Variants in EFNA5 observed in about 807,000 individuals in gnomAD.
EFNA5 encodes ephrin A5.
Under a neutral mutation model 22.9 loss-of-function variants are expected in EFNA5, and 5 were observed. The observed-to-expected ratio is 0.22, with a 90% CI of 0.11 to 0.46. EFNA5 has a LOEUF of 0.46. Among genes scored for constraint, EFNA5 ranks in the 20% least tolerant of loss-of-function variants. The pLI, the probability that EFNA5 is intolerant of heterozygous loss-of-function variation, is 0.99. For synonymous variants in EFNA5, 113 were observed against 112.2 expected (o/e 1.01, Z -0.04); for missense variants, 237 against 293.3 (o/e 0.81, Z 1.40).
At chr5:107,458,576 T>G (rs1381680976) in intron 1 of EFNA5, among the ~76,000 whole-genome samples, 1 of 152,014 alleles carries the variant, frequency 6.6e-6, no homozygotes, top group Non-Finnish European at 1.5e-5. Context: ...AAAGCCTTTT[T>G]GGAAGTCGTG....
chr5:107,499,061 G>T (rs1580496762), intron 1 of EFNA5, among the ~76,000 whole-genome samples: 1 of 152,018 alleles, frequency 6.6e-6, no homozygotes, highest in East Asian at 1.9e-4. Flanking sequence ...CACCTGCTTT[G>T]CTCTCTTCTC....
At chr5:107,559,951 T>C (rs1748502174) in intron 1 of EFNA5, among the ~76,000 whole-genome samples, 1 of 152,218 alleles carries the variant, frequency 6.6e-6, no homozygotes, top group South Asian at 2.1e-4. Context: ...CTTTAATATG[T>C]GTTCTGAAAT....
intron 1 of EFNA5, among the ~76,000 whole-genome samples, chr5:107,476,343 G>A (rs1750308868): frequency 6.6e-6 from 1 of 151,768 alleles, no homozygotes; most frequent in African/African-American, 2.4e-5. Flanking sequence ...GTGAGCCACT[G>A]TGCCCAGTCA....
chr5:107,456,268 T>C (rs1356143814), intron 1 of EFNA5, among the ~76,000 whole-genome samples: 1 of 152,132 alleles, frequency 6.6e-6, no homozygotes, highest in Non-Finnish European at 1.5e-5. Flanking sequence ...CCCAGAGCTC[T>C]AGGCCATTTC....
intron 1 of EFNA5, among the ~76,000 whole-genome samples, chr5:107,525,476 A>T (rs1377880810): frequency 6.6e-6 from 1 of 152,186 alleles, no homozygotes; most frequent in Non-Finnish European, 1.5e-5. Context: ...TGATTTCTTA[A>T]ACCTTAAATA....
At chr5:107,594,009 CA>C (rs1202231528) in intron 1 of EFNA5, among the ~76,000 whole-genome samples, 1 of 152,160 alleles carries the variant, frequency 6.6e-6, no homozygotes, top group East Asian at 1.9e-4. Flanking sequence ...AAAGGTGAGA[CA>C]AGTCAAGGTA....
intron 2 of EFNA5, among the ~76,000 whole-genome samples, chr5:107,411,948 G>T (rs1748378544): frequency 6.6e-6 from 1 of 152,158 alleles, no homozygotes; most frequent in Non-Finnish European, 1.5e-5. Flanking sequence ...ATACTCATCT[G>T]TGGTGTACTT....
At chr5:107,538,451 C>T (rs1747971291) in intron 1 of EFNA5, among the ~76,000 whole-genome samples, 1 of 152,014 alleles carries the variant, frequency 6.6e-6, no homozygotes, top group South Asian at 2.1e-4. Context: ...ATTTAGATGC[C>T]CAAATTGAAT....
At chr5:107,540,966 G>A (rs1748034745) in intron 1 of EFNA5, among the ~76,000 whole-genome samples, 1 of 152,126 alleles carries the variant, frequency 6.6e-6, no homozygotes, top group Admixed American at 6.5e-5. Context: ...AATTAGCCGG[G>A]CATGGTGGCG....
At chr5:107,397,005 G>T (rs1411473961) in intron 2 of EFNA5, among the ~76,000 whole-genome samples, 1 of 152,076 alleles carries the variant, frequency 6.6e-6, no homozygotes, top group African/African-American at 2.4e-5. Context: ...GCCCAGAGGT[G>T]GCTATAGATC....
chr5:107,574,334 A>G (rs914033687), intron 1 of EFNA5, among the ~76,000 whole-genome samples: 1 of 149,276 alleles, frequency 6.7e-6, no homozygotes, highest in Non-Finnish European at 1.5e-5. Context: ...TTTCTCTCAT[A>G]TTGTAACAAT....
At chr5:107,532,270 T>C (rs959012872) in intron 1 of EFNA5, among the ~76,000 whole-genome samples, 1 of 152,192 alleles carries the variant, frequency 6.6e-6, no homozygotes, top group African/African-American at 2.4e-5. Context: ...TAAAGGTGAA[T>C]GGCCTGCTGG....
At chr5:107,588,015 G>A (rs958455073) in intron 1 of EFNA5, among the ~76,000 whole-genome samples, 8 of 152,068 alleles carry the variant, frequency 5.3e-5, no homozygotes, top group Non-Finnish European at 4.4e-5. Flanking sequence ...AACTAACCCA[G>A]AAAAATTGGG....
chr5:107,661,122 A>T (rs949610492), intron 1 of EFNA5, among the ~76,000 whole-genome samples: 1 of 137,076 alleles, frequency 7.3e-6, no homozygotes, highest in African/African-American at 2.6e-5. Context: ...GTTAAAAAAA[A>T]AAAAAAGAAG....
chr5:107,526,925 G>T (rs1030635260), intron 1 of EFNA5, among the ~76,000 whole-genome samples: 1 of 152,082 alleles, frequency 6.6e-6, no homozygotes, highest in African/African-American at 2.4e-5. Flanking sequence ...AAAAAATAGG[G>T]CCTTCACCTA....
chr5:107,428,089 A>C (rs1474997088), intron 1 of EFNA5, among the ~76,000 whole-genome samples: 1 of 152,226 alleles, frequency 6.6e-6, no homozygotes, highest in Non-Finnish European at 1.5e-5. Context: ...CTTCCATTTT[A>C]GAGAAAAATA....
intron 1 of EFNA5, among the ~76,000 whole-genome samples, chr5:107,548,869 C>T (rs1434452729): frequency 6.6e-6 from 1 of 152,170 alleles, no homozygotes; most frequent in Non-Finnish European, 1.5e-5. Context: ...AAGTAAAAGT[C>T]TTCGAGAGGA....
At chr5:107,557,153 T>C (rs576804107) in intron 1 of EFNA5, among the ~76,000 whole-genome samples, 1 of 152,292 alleles carries the variant, frequency 6.6e-6, no homozygotes, top group East Asian at 1.9e-4. Context: ...TTTTGAACTG[T>C]AAGCTACACA....
At chr5:107,591,213 T>G (rs1437802674) in intron 1 of EFNA5, among the ~76,000 whole-genome samples, 1 of 152,160 alleles carries the variant, frequency 6.6e-6, no homozygotes, top group Non-Finnish European at 1.5e-5. Context: ...GCACATAATG[T>G]TTTTAAAAAC....
Sources: allele counts gnomAD v4.1 joint callset (sites outside exome capture counted in the v4.1 genomes callset), GRCh38; gene constraint gnomAD v4.1.1; transcripts MANE v1.5; gene names NCBI Gene and HGNC (gene_info 2026-07-23, HGNC 2026-07-21).